MEF2A: variants seen among roughly 807,000 people sequenced by gnomAD.
MEF2A encodes myocyte enhancer factor 2A.
A neutral mutation model predicts 55.8 loss-of-function variants in MEF2A; 28 were observed. That is an observed-to-expected ratio of 0.50 (90% CI 0.37 to 0.69). The LOEUF (loss-of-function observed/expected upper bound fraction) is 0.69, where lower values mean the gene tolerates loss of function less well. Ranked by LOEUF, MEF2A falls within the 30% of genes least tolerant of loss-of-function variation. The probability of loss-of-function intolerance (pLI) is 0.00; values close to 1 mark genes in which losing one functional copy is unlikely to be tolerated. For missense variants in MEF2A, 528 were observed against 626.2 expected (o/e 0.84, Z 1.67); for synonymous variants, 239 against 227.1 (o/e 1.05, Z -0.47).
At chr15:99,682,006 C>T (rs1248108434) in intron 7 of MEF2A, 1 of 152,092 alleles carries the variant, frequency 6.6e-6, no homozygotes, top group East Asian at 1.9e-4. Context: ...AAAATTTTGC[C>T]AAATATGATT....
At chr15:99,709,666 C>T (rs1433362634) in intron 10 of MEF2A, among the ~76,000 whole-genome samples, 1 of 152,180 alleles carries the variant, frequency 6.6e-6, no homozygotes, top group East Asian at 1.9e-4. Context: ...AAGAGTTTTG[C>T]CACCTCTCTT....
rs970639297 is a variant in MEF2A, at chr15:99,662,917, G to A, written c.259-8406G>A. Among the ~76,000 whole-genome samples the A allele has an allele frequency of 3.3e-5, 5 of 152,322 alleles. No individual in the cohort carries two copies. In the East Asian group the frequency reaches 9.6e-4, roughly 29 times the overall value. ...TTTAAGGTGGGTGGTCAAATTTTTT[G>A]TGGGTTTATTTAATTGATTTAAATC... On this transcript the variant is annotated intron_variant, in intron 4 of 11. Coordinates refer to ENST00000557942, the MANE Select transcript of MEF2A (RefSeq NM_001319206.4).
chr15:99,623,482 T>A lies in MEF2A; in HGVS notation c.-142-9496T>A, dbSNP rs566836292. Among the ~76,000 whole-genome samples the A allele has an allele frequency of 2.6e-5, 4 of 152,342 alleles. No homozygotes were observed. The South Asian group carries it at 8.3e-4, about 32-fold the overall frequency. On this transcript the variant is annotated intron_variant, in intron 2 of 11. Coordinates refer to ENST00000557942, the MANE Select transcript of MEF2A (RefSeq NM_001319206.4). The stretch of plus-strand genomic sequence containing the variant: ...ATTTTCTGAGCAAACGCCATACTGT[T>A]TTCCATAGCAGCTGTACTATTTTAC...
intron 4 of MEF2A, among the ~76,000 whole-genome samples, chr15:99,660,709 TAC>T (rs2048477251): frequency 6.6e-6 from 1 of 152,226 alleles, no homozygotes; most frequent in East Asian, 1.9e-4. Context: ...CTTATACTAA[TAC>T]AGAGATTAAA....
chr15:99,706,640 C>G, intron 9 of MEF2A, 89 bp from the exon 10 acceptor site: 2 of 1,439,010 alleles, frequency 1.4e-6, no homozygotes, highest in Non-Finnish European at 1.9e-6. Flanking sequence ...TCATATGAAA[C>G]TGTGAAAAAT....
At chr15:99,604,732 A>G (rs1037101401) in intron 2 of MEF2A, among the ~76,000 whole-genome samples, 7 of 144,454 alleles carry the variant, frequency 4.8e-5, no homozygotes, top group African/African-American at 1.5e-4. Flanking sequence ...GGTATCTTCT[A>G]TATAGTGTTG....
chr15:99,584,371 C>T (rs768575459), intron 1 of MEF2A, among the ~76,000 whole-genome samples: 14 of 152,094 alleles, frequency 9.2e-5, no homozygotes, highest in Non-Finnish European at 1.5e-4. Flanking sequence ...CATGTGAAAA[C>T]TTGTGTACAA....
chr15:99,652,101 G>A (rs1038421945), intron 4 of MEF2A, among the ~76,000 whole-genome samples: 5 of 152,174 alleles, frequency 3.3e-5, no homozygotes, highest in African/African-American at 1.2e-4. Context: ...AGGAGATAAA[G>A]AGGATGGAGA....
chr15:99,579,533 T>A (rs1273704396), intron 1 of MEF2A, among the ~76,000 whole-genome samples: 1 of 152,102 alleles, frequency 6.6e-6, no homozygotes. Flanking sequence ...TAGCTGGGAT[T>A]ACAGGCACGT....
chr15:99,681,333 G>T (rs2053212773), intron 7 of MEF2A, among the ~76,000 whole-genome samples: 1 of 152,208 alleles, frequency 6.6e-6, no homozygotes, highest in Non-Finnish European at 1.5e-5. Context: ...TTGCTCTGAA[G>T]GTGGGGATGG....
chr15:99,593,253 C>T (rs1430203237), intron 1 of MEF2A, among the ~76,000 whole-genome samples: 1 of 152,160 alleles, frequency 6.6e-6, no homozygotes, highest in African/African-American at 2.4e-5. Flanking sequence ...CCGTGAGTCT[C>T]CGTATTCTTC....
chr15:99,571,404 A>G (rs1010040027), intron 1 of MEF2A, among the ~76,000 whole-genome samples: 7 of 152,194 alleles, frequency 4.6e-5, no homozygotes, highest in African/African-American at 1.4e-4. Context: ...AGTGCCTGGT[A>G]TATAACCTGC....
intron 2 of MEF2A, among the ~76,000 whole-genome samples, chr15:99,625,105 T>C (rs1210288843): frequency 6.6e-6 from 1 of 152,182 alleles, no homozygotes; most frequent in African/African-American, 2.4e-5. Flanking sequence ...GTTTGGTACG[T>C]TAGGTGTATT....
At chr15:99,690,200 A>G in intron 7 of MEF2A, 41 bp from the exon 8 acceptor site, 4 of 1,576,996 alleles carry the variant, frequency 2.5e-6, no homozygotes, top group Non-Finnish European at 3.5e-6. Flanking sequence ...AAGTATTTTA[A>G]TAACTCTTCT....
intron 1 of MEF2A, among the ~76,000 whole-genome samples, chr15:99,573,232 T>C (rs141840275): frequency 2.5e-4 from 34 of 138,312 alleles, no homozygotes; most frequent in Admixed American, 6.7e-4. Flanking sequence ...GAGCCTGCAG[T>C]GAGCCAAGAT....
chr15:99,688,879 A>C (rs1336552742), intron 7 of MEF2A, among the ~76,000 whole-genome samples: 1 of 152,166 alleles, frequency 6.6e-6, no homozygotes, highest in Non-Finnish European at 1.5e-5. Flanking sequence ...TCATTACCAC[A>C]TCCAGTCACT....
chr15:99,591,405 T>C (rs918395186), intron 1 of MEF2A, among the ~76,000 whole-genome samples: 21 of 152,208 alleles, frequency 1.4e-4, no homozygotes, highest in African/African-American at 5.1e-4. Flanking sequence ...CTGGTAATTA[T>C]TATCTTTGTT....
chr15:99,688,717 G>A (rs1392332894), intron 7 of MEF2A, among the ~76,000 whole-genome samples: 2 of 152,238 alleles, frequency 1.3e-5, no homozygotes, highest in Middle Eastern at 3.4e-3. Context: ...AGATCGCGCT[G>A]CTGCACTCCA....
intron 4 of MEF2A, among the ~76,000 whole-genome samples, chr15:99,648,901 C>T (rs961742444): frequency 1.3e-5 from 2 of 152,022 alleles, no homozygotes; most frequent in Non-Finnish European, 2.9e-5. Context: ...TGTGGGAGTA[C>T]TGTAAGATTA....
Sources: allele counts gnomAD v4.1 joint callset (sites outside exome capture counted in the v4.1 genomes callset), GRCh38; gene constraint gnomAD v4.1.1; transcripts MANE v1.5; gene names NCBI Gene and HGNC (gene_info 2026-07-23, HGNC 2026-07-21).